Variants in UBAP2 observed in about 807,000 individuals in gnomAD.
The protein encoded by UBAP2 is ubiquitin-associated protein 2.
UBAP2 carries 75 observed loss-of-function variants against 139.6 expected under a neutral mutation model. The observed-to-expected ratio is 0.54, with a 90% confidence interval of 0.45 to 0.65. The LOEUF is 0.65. Ranked by LOEUF, UBAP2 falls within the 30% of genes least tolerant of loss-of-function variation. UBAP2 has a pLI of 0.00. For missense variants in UBAP2, 1,368 were observed against 1,369.6 expected (o/e 1.00, Z 0.02); for synonymous variants, 526 against 526.2 (o/e 1.00, Z 0.01).
intron 9 of UBAP2, among the ~76,000 whole-genome samples, chr9:33,962,665 TAAATAAATAAA>T (rs1827146504): frequency 1.4e-5 from 2 of 142,966 alleles, no homozygotes; most frequent in East Asian, 2.2e-4. Context: ...AATAAATAAA[TAAATAAATAAA>T]TAAATAATTA....
intron 12 of UBAP2, among the ~76,000 whole-genome samples, chr9:33,949,340 T>C (rs893461527): frequency 6.6e-6 from 1 of 152,046 alleles, no homozygotes; most frequent in East Asian, 1.9e-4. Context: ...TGAACCACAG[T>C]CTTCATCTTT....
At chr9:33,978,800 GA>G (rs1820387232) in intron 6 of UBAP2, among the ~76,000 whole-genome samples, 1 of 152,034 alleles carries the variant, frequency 6.6e-6, no homozygotes. Flanking sequence ...AAGAAAGAAA[GA>G]AAAAGTAGAG....
chr9:33,996,175 G>A (rs768922446), intron 4 of UBAP2, 48 bp downstream of exon 4: 76 of 1,413,434 alleles, frequency 5.4e-5, no homozygotes, highest in South Asian at 2.4e-4. Context: ...AATGTGCTAC[G>A]GAATTGGAGA....
intron 1 of UBAP2, among the ~76,000 whole-genome samples, chr9:34,037,000 T>A (rs914147646): frequency 7.7e-5 from 11 of 143,110 alleles, no homozygotes; most frequent in Non-Finnish European, 1.4e-4. Flanking sequence ...TTTTTTTTTT[T>A]TTTTTTTTGA....
At chr9:33,955,834 GAAAAAAAA>G (rs34598165) in intron 11 of UBAP2, among the ~76,000 whole-genome samples, 1 of 75,050 alleles carries the variant, frequency 1.3e-5, no homozygotes. Context: ...TCTCAAAATA[GAAAAAAAA>G]AAAAAAAAAG....
At chr9:34,012,056 AT>A (rs1193638470) in intron 2 of UBAP2, among the ~76,000 whole-genome samples, 3 of 152,102 alleles carry the variant, frequency 2.0e-5, no homozygotes, top group Non-Finnish European at 4.4e-5. Context: ...AACTTTACAT[AT>A]TTTTTTCAGT....
chr9:34,021,911 G>A (rs1564067383), intron 1 of UBAP2, among the ~76,000 whole-genome samples: 1 of 152,138 alleles, frequency 6.6e-6, no homozygotes, highest in African/African-American at 2.4e-5. Flanking sequence ...TGCAATTACA[G>A]ACATGAGCCA....
At chr9:33,942,007 A>AG (rs557922955) in intron 15 of UBAP2, 145 bp from the exon 16 acceptor site, 168 of 632,910 alleles carry the variant, frequency 2.7e-4, no homozygotes, top group Middle Eastern at 4.2e-4. Flanking sequence ...ACTGAGAGAT[A>AG]GGGGGACATC....
intron 8 of UBAP2, 53 bp downstream of exon 8, chr9:33,971,598 T>C (rs1827920532): frequency 9.6e-7 from 1 of 1,038,700 alleles, no homozygotes; most frequent in Non-Finnish European, 1.5e-6. Context: ...AACATACAAC[T>C]CTTAATAGCT....
intron 22 of UBAP2, 87 bp downstream of exon 22, chr9:33,926,530 C>G: frequency 6.8e-7 from 1 of 1,467,726 alleles, no homozygotes; most frequent in Non-Finnish European, 9.6e-7. Flanking sequence ...TCCTAAGGGC[C>G]AGAGAGTGTG....
intron 7 of UBAP2, among the ~76,000 whole-genome samples, 175 bp downstream of exon 7, chr9:33,973,008 G>A (rs540300754): frequency 6.6e-6 from 1 of 152,168 alleles, no homozygotes; most frequent in Non-Finnish European, 1.5e-5. Context: ...CTGCTCTAAT[G>A]CCTGTTTAAA....
chr9:34,017,021 A>AG, intron 2 of UBAP2, 29 bp downstream of exon 2: 1 of 1,531,090 alleles, frequency 6.5e-7, no homozygotes, highest in Non-Finnish European at 8.8e-7. Flanking sequence ...AAAAAGGAAA[A>AG]AAAAAAAAAG....
At chr9:33,979,196 C>T (rs961087178) in intron 6 of UBAP2, among the ~76,000 whole-genome samples, 4 of 152,138 alleles carry the variant, frequency 2.6e-5, no homozygotes, top group African/African-American at 9.7e-5. Flanking sequence ...TATGATCATG[C>T]CACTGTACTC....
chr9:33,994,362 G>A (rs1208439434), intron 4 of UBAP2: 2 of 151,652 alleles, frequency 1.3e-5, no homozygotes, highest in Non-Finnish European at 2.9e-5. Flanking sequence ...TAAAGGAAAG[G>A]CAACAAAAAA....
At chr9:33,979,692 C>A (rs1786863530) in intron 6 of UBAP2, among the ~76,000 whole-genome samples, 1 of 151,880 alleles carries the variant, frequency 6.6e-6, no homozygotes, top group Non-Finnish European at 1.5e-5. Flanking sequence ...ACCATCCTGG[C>A]CAACATGGTG....
chr9:33,962,187 A>G (rs307666), intron 9 of UBAP2, among the ~76,000 whole-genome samples: 6,144 of 152,258 alleles, frequency 0.04, 269 homozygotes, highest in African/African-American at 0.1. Context: ...ACCTACATAA[A>G]AAATATTAAA....
At chr9:34,022,965 G>T (rs1005848048) in intron 1 of UBAP2, among the ~76,000 whole-genome samples, 1 of 151,744 alleles carries the variant, frequency 6.6e-6, no homozygotes, top group African/African-American at 2.4e-5. Context: ...AGTGGCTCAC[G>T]CCTGTAATCC....
At chr9:33,927,237 G>A (rs924496550) in intron 20 of UBAP2, among the ~76,000 whole-genome samples, 157 bp from the exon 21 acceptor site, 3 of 152,214 alleles carry the variant, frequency 2.0e-5, no homozygotes, top group Non-Finnish European at 2.9e-5. Context: ...ACAAAGCAGT[G>A]AAGGGGAGAC....
At chr9:34,041,464 C>CAA (rs1226126055) in intron 1 of UBAP2, among the ~76,000 whole-genome samples, 283 of 82,388 alleles carry the variant, frequency 3.4e-3, no homozygotes, top group East Asian at 0.017. Flanking sequence ...AACTCCATCT[C>CAA]AAAAAAAAAA....
Sources: gnomAD v4.1 joint callset for allele counts (sites outside exome capture counted in the v4.1 genomes callset) on GRCh38, gnomAD v4.1.1 for gene constraint, MANE v1.5 for transcripts, NCBI Gene and HGNC (gene_info 2026-07-23, HGNC 2026-07-21) for gene names.